Variants in RSRC1 observed in about 807,000 individuals in gnomAD.
RSRC1 encodes the protein arginine and serine rich coiled-coil 1.
Under a neutral mutation model 49.1 loss-of-function variants are expected in RSRC1, and 39 were observed. The ratio of observed to expected loss-of-function variants is 0.79; its 90% CI spans 0.61 to 1.04. The LOEUF (loss-of-function observed/expected upper bound fraction) is 1.04, where lower values mean the gene tolerates loss of function less well. Ranked by LOEUF, RSRC1 falls within the 50% of genes least tolerant of loss-of-function variation. The pLI is 0.00. For synonymous variants in RSRC1, 143 were observed against 130.8 expected (o/e 1.09, Z -0.63); for missense variants, 388 against 402.4 (o/e 0.96, Z 0.31).
At chr3:158,455,894 C>T (rs1202728631) in intron 6 of RSRC1, among the ~76,000 whole-genome samples, 2 of 140,424 alleles carry the variant, frequency 1.4e-5, no homozygotes, top group Non-Finnish European at 3.0e-5. Flanking sequence ...GCAGGAGAAT[C>T]GCTTGAACCC....
At position 158,314,166 on chromosome 3, in the gene RSRC1, C is replaced by T. The variant is rs150127961; in HGVS notation, c.531+16091C>T. ...AGTGCAGTGGCACGATCTCAGCTCA[C>T]CGCAATCTCTGCCTCCCTGATTCAA... On this transcript the variant is annotated intron_variant, in intron 5 of 9. Coordinates refer to ENST00000611884, the MANE Select transcript of RSRC1 (RefSeq NM_001271838.2). 2.9e-4 allele frequency among the ~76,000 whole-genome samples: 44 copies of T among 152,268 alleles called. 1 individual carries two copies. Among genetic ancestry groups the T allele is most frequent in the Admixed American group, 1.3e-4 (2 of 15,290 alleles).
At chr3:158,268,418 G>T (rs893520856) in intron 4 of RSRC1, among the ~76,000 whole-genome samples, 6 of 152,006 alleles carry the variant, frequency 3.9e-5, no homozygotes, top group Non-Finnish European at 7.4e-5. Context: ...CTGTTGCTGT[G>T]GTTCTCTTCC....
chr3:158,204,285 C>T (rs1263773484), intron 4 of RSRC1, among the ~76,000 whole-genome samples: 1 of 152,014 alleles, frequency 6.6e-6, no homozygotes, highest in Non-Finnish European at 1.5e-5. Context: ...TATAAATCTG[C>T]CTAGATTGTT....
chr3:158,448,256 TGA>T (rs78570769), intron 6 of RSRC1, among the ~76,000 whole-genome samples: 32,610 of 151,774 alleles, frequency 0.21, 4,085 homozygotes, highest in Non-Finnish European at 0.28. Context: ...TGCCTTTCTT[TGA>T]GAGAATAAAT....
chr3:158,351,309 A>C (rs1444274893), intron 5 of RSRC1, among the ~76,000 whole-genome samples: 3 of 152,206 alleles, frequency 2.0e-5, no homozygotes, highest in African/African-American at 7.2e-5. Context: ...TATTCATTCA[A>C]CTTATTCACC....
chr3:158,229,287 CACACACGTATATGTGTATGTATGTATAT>C (rs1559952474), intron 4 of RSRC1, among the ~76,000 whole-genome samples: 1 of 39,318 alleles, frequency 2.5e-5, no homozygotes, highest in African/African-American at 1.3e-4. Flanking sequence ...TATAAACATA[CACACACGTATATGTGTATGTATGTATAT>C]AAACATACAC....
chr3:158,409,741 G>A, intron 6 of RSRC1, among the ~76,000 whole-genome samples: 1 of 152,102 alleles, frequency 6.6e-6, no homozygotes, highest in Non-Finnish European at 1.5e-5. Flanking sequence ...TGATAACTTT[G>A]TTGGGGTCAG....
At chr3:158,187,704 T>G (rs1193726358) in intron 3 of RSRC1, among the ~76,000 whole-genome samples, 1 of 151,980 alleles carries the variant, frequency 6.6e-6, no homozygotes, top group South Asian at 2.1e-4. Context: ...CTAAGACAGA[T>G]GAGGGTCAGT....
At chr3:158,518,068 A>G (rs945876695) in intron 7 of RSRC1, among the ~76,000 whole-genome samples, 10 of 139,228 alleles carry the variant, frequency 7.2e-5, no homozygotes, top group Admixed American at 5.8e-4. Context: ...TTTTTATATA[A>G]ATTATGCATA....
chr3:158,308,421 G>T (rs960793945), intron 5 of RSRC1, among the ~76,000 whole-genome samples: 8 of 151,936 alleles, frequency 5.3e-5, no homozygotes, highest in African/African-American at 1.9e-4. Context: ...AGGCTGCAAG[G>T]CGTCTCTCGG....
chr3:158,289,260 G>A (rs924718317), intron 4 of RSRC1, among the ~76,000 whole-genome samples: 4 of 152,076 alleles, frequency 2.6e-5, no homozygotes, highest in African/African-American at 9.7e-5. Flanking sequence ...TCTTTCCCCT[G>A]TAGACCCTTT....
At chr3:158,189,704 A>C (rs1304561295) in intron 3 of RSRC1, among the ~76,000 whole-genome samples, 1 of 151,892 alleles carries the variant, frequency 6.6e-6, no homozygotes, top group Non-Finnish European at 1.5e-5. Context: ...ACAATCTTTC[A>C]ATTGTATTAT....
intron 3 of RSRC1, among the ~76,000 whole-genome samples, chr3:158,171,391 A>G (rs1040347882): frequency 6.6e-6 from 1 of 152,218 alleles, no homozygotes; most frequent in Non-Finnish European, 1.5e-5. Context: ...GGGAAAAGAC[A>G]ATCAACAGAT....
intron 9 of RSRC1, 49 bp from the exon 10 acceptor site, chr3:158,544,134 A>G: frequency 3.1e-6 from 4 of 1,294,410 alleles, no homozygotes; most frequent in Non-Finnish European, 4.4e-6. Flanking sequence ...GGTCAAATTC[A>G]AGTTATTGGG....
intron 7 of RSRC1, among the ~76,000 whole-genome samples, chr3:158,529,029 TTTTAGAAAC>T (rs1712217638): frequency 6.6e-6 from 1 of 151,734 alleles, no homozygotes; most frequent in Non-Finnish European, 1.5e-5. Flanking sequence ...AATGCTAGGT[TTTTAGAAAC>T]TTTTTAAATT....
chr3:158,204,240 G>T lies in RSRC1; in HGVS notation c.494+995G>T, dbSNP rs538258918. Among the ~76,000 whole-genome samples, 11 of 152,150 alleles carry T rather than the reference G, an allele frequency of 7.2e-5. No individual in the cohort carries two copies. The South Asian group carries it at 1.0e-3, about 14-fold the overall frequency. ...CTTTCTTTTTCACAGTTGTTTGTGTGTTTATTTTTTATTTCCAAATTTATA... is the reference window on the plus strand; with the variant it reads ...CTTTCTTTTTCACAGTTGTTTGTGTTTTTATTTTTTATTTCCAAATTTATA... On this transcript the variant is annotated intron_variant, in intron 4 of 9. Transcript: ENST00000611884.
intron 7 of RSRC1, among the ~76,000 whole-genome samples, chr3:158,503,194 G>A (rs367598870): frequency 9.9e-5 from 15 of 152,248 alleles, no homozygotes; most frequent in East Asian, 3.9e-4. Flanking sequence ...ACCCAGCTCC[G>A]GGGTGGTACT....
Position 158,487,949 on chromosome 3 carries a change from G to GGAAAAAAAAAAAAAAAAAAAAAAAAAAA in RSRC1, c.652+26946_652+26947insGAAAAAAAAAAAAAAAAAAAAAAAAAAA, listed in dbSNP as rs1553814781. Among the ~76,000 whole-genome samples the GGAAAAAAAAAAAAAAAAAAAAAAAAAAA allele has an allele frequency of 1.7e-4, 5 of 28,920 alleles. 2 individuals are homozygous for GGAAAAAAAAAAAAAAAAAAAAAAAAAAA. The highest frequency in any genetic ancestry group is 3.0e-4 in the Non-Finnish European group (5 of 16,530). The allele number at this position is 28,920 out of a possible 152,430, so 19.0% of individuals were successfully genotyped here. A position where few individuals can be genotyped will look rare whatever the true frequency, so the allele number is the denominator to read the frequency against. On this transcript the variant is annotated intron_variant, in intron 7 of 9. Transcript: ENST00000611884. ...TAGGAGACAAGAGACTCCATCTCAA[G>GGAAAAAAAAAAAAAAAAAAAAAAAAAAA]AAAAAAAAAAAAAAAAAAAAAAAAA... is the stretch of plus-strand genomic sequence containing the variant.
At position 158,523,526 on chromosome 3, in the gene RSRC1, T is replaced by G. The variant is rs575323125; in HGVS notation, c.653-13566T>G. ...TCTCTCAATGGAAGCTCCATCAAGG[T>G]CTAGACACTTTTGTAAGCAATGATA... is the stretch of plus-strand genomic sequence containing the variant. On this transcript the variant is annotated intron_variant, in intron 7 of 9. Coordinates refer to ENST00000611884, the MANE Select transcript of RSRC1 (RefSeq NM_001271838.2). Among the ~76,000 whole-genome samples the G allele has an allele frequency of 9.9e-5, 15 of 152,072 alleles. No individual in the cohort carries two copies. In the South Asian group the frequency reaches 3.1e-3, roughly 32 times the overall value.
Sources: allele counts gnomAD v4.1 joint callset (sites outside exome capture counted in the v4.1 genomes callset), GRCh38; gene constraint gnomAD v4.1.1; transcripts MANE v1.5; gene names NCBI Gene and HGNC (gene_info 2026-07-23, HGNC 2026-07-21).